ATP2C2: variants seen among roughly 807,000 people sequenced by gnomAD.
The protein encoded by ATP2C2 is calcium-transporting ATPase type 2C member 2.
In ATP2C2, 171 loss-of-function variants were observed where a neutral mutation model predicts 110.8. That is an observed-to-expected ratio of 1.54 (90% CI 1.36 to 1.75). ATP2C2 has a LOEUF of 1.75. Among genes scored for constraint, ATP2C2 ranks in the 40% most tolerant of loss-of-function variants. The probability of loss-of-function intolerance (pLI) is 0.00; values close to 1 mark genes in which losing one functional copy is unlikely to be tolerated. For missense variants in ATP2C2, 1,963 were observed against 1,235.0 expected, an observed-to-expected ratio of 1.59 and a Z score of -8.84; for synonymous variants, 804 against 508.4, an observed-to-expected ratio of 1.58 and a Z score of -7.82.
intron 10 of ATP2C2, among the ~76,000 whole-genome samples, chr16:84,423,847 C>G (rs1907569476): frequency 6.6e-6 from 1 of 152,172 alleles, no homozygotes; most frequent in African/African-American, 2.4e-5. Context: ...GCAGGCTGTT[C>G]CTGGACTGGG....
intron 2 of ATP2C2, among the ~76,000 whole-genome samples, 161 bp downstream of exon 2, chr16:84,398,770 G>A (rs1297772296): frequency 6.6e-6 from 1 of 152,328 alleles, no homozygotes; most frequent in Non-Finnish European, 1.5e-5. Flanking sequence ...AGATTCCACA[G>A]GTAGAATATC....
chr16:84,447,841 TTAA>T (rs1163862978), intron 16 of ATP2C2, among the ~76,000 whole-genome samples: 12 of 117,182 alleles, frequency 1.0e-4, no homozygotes, highest in South Asian at 2.7e-4. Flanking sequence ...ACATCTGTAA[TTAA>T]TATTATATTT....
At chr16:84,404,625 C>G in intron 2 of ATP2C2, 1 of 256,378 alleles carries the variant, frequency 3.9e-6, no homozygotes, top group South Asian at 4.5e-5. Context: ...TTGTTTCCTC[C>G]TTTTTGCTTT....
At chr16:84,440,749 T>G in intron 13 of ATP2C2, 108 bp from the exon 14 acceptor site, 2 of 794,432 alleles carry the variant, frequency 2.5e-6, no homozygotes, top group Non-Finnish European at 4.3e-6. Context: ...CCTGTCCACG[T>G]TTAGGATTGT....
At chr16:84,432,894 C>T (rs1262015620) in intron 11 of ATP2C2, among the ~76,000 whole-genome samples, 2 of 152,112 alleles carry the variant, frequency 1.3e-5, no homozygotes, top group Non-Finnish European at 2.9e-5. Context: ...GAGCGTGAGG[C>T]TGTGATTCGA....
intron 11 of ATP2C2, among the ~76,000 whole-genome samples, chr16:84,438,728 C>T (rs568204937): frequency 6.5e-4 from 99 of 152,292 alleles, no homozygotes; most frequent in African/African-American, 2.3e-3. Flanking sequence ...GAAGTGTCTA[C>T]ACCACTACAC....
chr16:84,443,420 C>A (rs1449965558), intron 15 of ATP2C2, among the ~76,000 whole-genome samples: 1 of 152,112 alleles, frequency 6.6e-6, no homozygotes, highest in Non-Finnish European at 1.5e-5. Flanking sequence ...GTCTCTGACT[C>A]GGGTGTGATC....
intron 1 of ATP2C2, among the ~76,000 whole-genome samples, chr16:84,378,497 A>C (rs576153971): frequency 1.9e-4 from 29 of 152,178 alleles, no homozygotes; most frequent in Non-Finnish European, 3.7e-4. Context: ...TAACAGATCT[A>C]AGCATTCCAC....
intron 24 of ATP2C2, 21 bp downstream of exon 24, chr16:84,460,822 C>T: frequency 6.3e-7 from 1 of 1,598,940 alleles, no homozygotes; most frequent in Non-Finnish European, 8.5e-7. Flanking sequence ...GTCACCCCGG[C>T]CTGTTCTCCA....
At position 84,448,634 on chromosome 16, in the gene ATP2C2, G is replaced by T. The variant is rs779402852; in HGVS notation, c.1605G>T (p.Gln535His). The T allele has an allele frequency of 2.7e-5, 44 of 1,613,882 alleles. No homozygotes were observed. Among genetic ancestry groups the T allele is most frequent in the Non-Finnish European group, 3.6e-5 (43 of 1,179,940 alleles). Residue 535 changes from glutamine (Q) to histidine (H), a missense_variant, in exon 17 of 27, where the codon CAG (glutamine) becomes CAT (histidine). Coordinates refer to ENST00000262429, the MANE Select transcript of ATP2C2 (RefSeq NM_014861.4). ...GCATCCCCCTGCCGCTGACGCCCCA[G>T]CAGAGGTCATTCTGCCTGCAGGAAG... is the stretch of plus-strand genomic sequence containing the variant. ...NGGIPLPLTPQQRSFCLQEEK... is the reference protein window; with the variant it reads ...NGGIPLPLTPHQRSFCLQEEK...
At chr16:84,382,419 T>TC (rs1162765319) in intron 1 of ATP2C2, among the ~76,000 whole-genome samples, 3 of 152,198 alleles carry the variant, frequency 2.0e-5, no homozygotes, top group African/African-American at 7.2e-5. Context: ...CACAGAAACC[T>TC]CCCCACCCCC....
intron 3 of ATP2C2, among the ~76,000 whole-genome samples, chr16:84,405,776 C>T (rs962694020): frequency 3.9e-5 from 6 of 152,042 alleles, no homozygotes; most frequent in African/African-American, 1.2e-4. Context: ...AAAAATTAGC[C>T]GGATGTGGTA....
At chr16:84,429,782 TG>T (rs1908105571) in intron 11 of ATP2C2, among the ~76,000 whole-genome samples, 1 of 152,096 alleles carries the variant, frequency 6.6e-6, no homozygotes, top group Non-Finnish European at 1.5e-5. Flanking sequence ...CATATTCCTG[TG>T]GCTGTCAAAA....
chr16:84,382,428 C>G (rs1026555520), intron 1 of ATP2C2, among the ~76,000 whole-genome samples: 1 of 152,236 alleles, frequency 6.6e-6, no homozygotes, highest in Admixed American at 6.5e-5. Context: ...CTCCCCACCC[C>G]CTTTTAAGAA....
intron 26 of ATP2C2, 26 bp downstream of exon 26, chr16:84,462,155 G>A (rs34205686): frequency 6.2e-7 from 1 of 1,602,068 alleles, no homozygotes; most frequent in African/African-American, 1.3e-5. Context: ...GGGAACGACA[G>A]GTGACCTCGA....
At chr16:84,425,054 A>G (rs769172854) in intron 10 of ATP2C2, among the ~76,000 whole-genome samples, 1 of 152,182 alleles carries the variant, frequency 6.6e-6, no homozygotes, top group Non-Finnish European at 1.5e-5. Flanking sequence ...AACAAAACTA[A>G]CAGATACTGT....
intron 23 of ATP2C2, chr16:84,460,047 GTGC>G (rs1419472453): frequency 1.9e-5 from 4 of 208,688 alleles, no homozygotes; most frequent in African/African-American, 9.2e-5. Flanking sequence ...CTGGAGCTCA[GTGC>G]TGCTGTTATC....
intron 11 of ATP2C2, among the ~76,000 whole-genome samples, chr16:84,438,195 G>T (rs546420339): frequency 6.6e-6 from 1 of 152,290 alleles, no homozygotes; most frequent in South Asian, 2.1e-4. Flanking sequence ...AAAATTTCAA[G>T]CCTGTACAAA....
chr16:84,372,678 C>G (rs867922213), intron 1 of ATP2C2, among the ~76,000 whole-genome samples: 1 of 152,026 alleles, frequency 6.6e-6, no homozygotes, highest in Non-Finnish European at 1.5e-5. Context: ...CCTGCCTCAG[C>G]CTCCCAAAGT....
Sources: gnomAD v4.1 joint callset for allele counts (sites outside exome capture counted in the v4.1 genomes callset) on GRCh38, gnomAD v4.1.1 for gene constraint, MANE v1.5 for transcripts, NCBI Gene and HGNC (gene_info 2026-07-23, HGNC 2026-07-21) for gene names.